Variants in LDLRAD3 observed in about 807,000 individuals in gnomAD.
LDLRAD3 encodes low-density lipoprotein receptor class A domain-containing protein 3.
In LDLRAD3, 20 loss-of-function variants were observed where a neutral mutation model predicts 29.4. The observed-to-expected ratio is 0.68, with a 90% confidence interval of 0.48 to 0.99. The LOEUF (loss-of-function observed/expected upper bound fraction) is 0.99, where lower values mean the gene tolerates loss of function less well. Ranked by LOEUF, LDLRAD3 falls within the 50% of genes least tolerant of loss-of-function variation. The pLI, the probability that LDLRAD3 is intolerant of heterozygous loss-of-function variation, is 0.00. For missense variants in LDLRAD3, 420 were observed against 454.3 expected (o/e 0.92, Z 0.69); for synonymous variants, 157 against 192.7 (o/e 0.81, Z 1.53).
chr11:36,187,862 G>T (rs993534581), intron 4 of LDLRAD3, among the ~76,000 whole-genome samples: 1 of 152,112 alleles, frequency 6.6e-6, no homozygotes, highest in Non-Finnish European at 1.5e-5. Flanking sequence ...CCAAGATAAC[G>T]TTAGATTGAA....
At chr11:36,189,510 C>T (rs967182663) in intron 4 of LDLRAD3, among the ~76,000 whole-genome samples, 3 of 151,744 alleles carry the variant, frequency 2.0e-5, no homozygotes, top group African/African-American at 7.3e-5. Flanking sequence ...AAAAAAAACC[C>T]TTGTCCTTTA....
At chr11:36,195,186 A>G (rs1855014143) in intron 4 of LDLRAD3, among the ~76,000 whole-genome samples, 2 of 152,222 alleles carry the variant, frequency 1.3e-5, no homozygotes, top group Non-Finnish European at 2.9e-5. Flanking sequence ...CATCATCTTC[A>G]TCATCATCAT....
At position 36,222,499 on chromosome 11, in the gene LDLRAD3, G is replaced by A. The variant is rs146220274; in HGVS notation, c.455-4586G>A. Reference sequence around the variant, plus strand: ...CCATGCCTGCATATATACCAGGCACGAATATACCTGTTTGCCTGAGACCTG... The same window carrying A: ...CCATGCCTGCATATATACCAGGCACAAATATACCTGTTTGCCTGAGACCTG... On this transcript the variant is annotated intron_variant, in intron 4 of 5. Transcript: ENST00000315571. Among the ~76,000 whole-genome samples, 1,045 of 152,246 alleles carry A rather than the reference G, an allele frequency of 6.9e-3. 9 individuals are homozygous for A. The highest frequency in any genetic ancestry group is 0.012 in the Non-Finnish European group (830 of 68,018).
chr11:36,200,478 G>A (rs528453656), intron 4 of LDLRAD3, among the ~76,000 whole-genome samples: 1 of 152,148 alleles, frequency 6.6e-6, no homozygotes, highest in East Asian at 1.9e-4. Flanking sequence ...TGAATTGAGG[G>A]GGATACATAC....
At chr11:36,118,602 T>G (rs114830609) in intron 4 of LDLRAD3, among the ~76,000 whole-genome samples, 199 of 152,078 alleles carry the variant, frequency 1.3e-3, no homozygotes, top group African/African-American at 4.3e-3. Flanking sequence ...TGGATTCAAT[T>G]TGGGGGTCCT....
intron 2 of LDLRAD3, among the ~76,000 whole-genome samples, chr11:36,075,451 G>C (rs1243403857): frequency 6.6e-6 from 1 of 152,152 alleles, no homozygotes; most frequent in Non-Finnish European, 1.5e-5. Context: ...CATTACTGAT[G>C]ATGTTGACCA....
intron 1 of LDLRAD3, among the ~76,000 whole-genome samples, chr11:36,030,830 CAGT>C (rs768866786): frequency 6.6e-6 from 1 of 152,152 alleles, no homozygotes; most frequent in Non-Finnish European, 1.5e-5. Flanking sequence ...GGAAGAACAG[CAGT>C]AGGAGAGGAG....
rs183328438 is a variant in LDLRAD3, at chr11:36,049,892, A to G, written c.193+13643A>G. On this transcript the variant is annotated intron_variant, in intron 2 of 5. Transcript: ENST00000315571. ...AAAAAATCAGTGTCTCAGATTCTCT[A>G]TGAGATTTAAATATGCAGGATCTGA... is the stretch of plus-strand genomic sequence containing the variant. Among the ~76,000 whole-genome samples, 9 of 152,298 alleles carry G rather than the reference A, an allele frequency of 5.9e-5. No homozygotes were observed. In the East Asian group the frequency reaches 1.7e-3, roughly 29 times the overall value.
At chr11:35,982,517 G>A (rs990972706) in intron 1 of LDLRAD3, among the ~76,000 whole-genome samples, 2 of 152,142 alleles carry the variant, frequency 1.3e-5, no homozygotes, top group African/African-American at 4.8e-5. Flanking sequence ...CCGGCATACT[G>A]TTTTTGGGGG....
chr11:36,116,714 G>A (rs1853680119), intron 4 of LDLRAD3, among the ~76,000 whole-genome samples: 1 of 151,828 alleles, frequency 6.6e-6, no homozygotes, highest in Admixed American at 6.6e-5. Flanking sequence ...ACTGGCACTA[G>A]TTTAAAAGCC....
intron 3 of LDLRAD3, among the ~76,000 whole-genome samples, chr11:36,096,048 G>A (rs79032335): frequency 0.021 from 3,139 of 152,270 alleles, 93 homozygotes; most frequent in African/African-American, 0.072. Flanking sequence ...CTGGCCCACA[G>A]CGATGTCAAT....
intron 1 of LDLRAD3, among the ~76,000 whole-genome samples, chr11:35,991,309 C>A (rs1414425327): frequency 6.6e-6 from 1 of 152,142 alleles, no homozygotes; most frequent in East Asian, 1.9e-4. Context: ...CAAATGGTTA[C>A]CCAAAATGAG....
intron 4 of LDLRAD3, among the ~76,000 whole-genome samples, chr11:36,168,498 C>CTTTTTTTTTTTTTTTTTTTTTT (rs5791083): frequency 8.6e-6 from 1 of 115,830 alleles, no homozygotes; most frequent in African/African-American, 3.2e-5. Context: ...TTTCTTTCTT[C>CTTTTTTTTTTTTTTTTTTTTTT]TTTTTTTTTT....
chr11:36,114,794 A>T lies in LDLRAD3; in HGVS notation c.454+16333A>T, dbSNP rs181265222. Among the ~76,000 whole-genome samples the T allele has an allele frequency of 3.3e-5, 5 of 152,258 alleles. No homozygotes were observed. The East Asian group carries it at 9.7e-4, about 29-fold the overall frequency. ...CATGGTGCGTCTCTCTTCCCAATACATTCCCTTTCCCCTATCCACAGCCCT... is the reference window on the plus strand; with the variant it reads ...CATGGTGCGTCTCTCTTCCCAATACTTTCCCTTTCCCCTATCCACAGCCCT... On this transcript the variant is annotated intron_variant, in intron 4 of 5. Transcript: ENST00000315571.
At position 36,191,618 on chromosome 11, in the gene LDLRAD3, ACACACGCACG is replaced by A. The variant is rs750645429; in HGVS notation, c.455-35463_455-35454del. 1.3e-3 allele frequency among the ~76,000 whole-genome samples: 106 copies of A among 84,778 alleles called. 4 individuals carry two copies. Among genetic ancestry groups the A allele is most frequent in the Middle Eastern group, 6.9e-3 (1 of 144 alleles). The allele number at this position is 84,778 out of a possible 152,430, so 55.6% of individuals were successfully genotyped here. ...TATATATACACACACACACACACAC[ACACACGCACG>A]CACGCACGCACAAAGAAGAAATTGA... On this transcript the variant is annotated intron_variant, in intron 4 of 5. Transcript: ENST00000315571.
In LDLRAD3 at chr11:36,230,481, C is replaced by G. The variant is rs1855560633; in HGVS notation, c.*1084C>G. On this transcript the variant is annotated 3_prime_UTR_variant, in exon 6 of 6. Coordinates refer to ENST00000315571, the MANE Select transcript of LDLRAD3 (RefSeq NM_174902.4). ...ATACCTCCAGCAAGCTCTCCTGGCT[C>G]CCTGCACTGTGCACGCTCCTCTTCC... The G allele has an allele frequency of 6.5e-6, 1 of 152,862 alleles. No homozygotes were observed. Among genetic ancestry groups the G allele is most frequent in the Non-Finnish European group, 1.5e-5 (1 of 68,234 alleles). 9.5% of individuals were successfully genotyped at this position (152,862 alleles called of 1,614,324 possible). A position where few individuals can be genotyped will look rare whatever the true frequency, so the allele number is the denominator to read the frequency against.
At chr11:36,007,717 G>A (rs774751652) in intron 1 of LDLRAD3, among the ~76,000 whole-genome samples, 11 of 152,178 alleles carry the variant, frequency 7.2e-5, no homozygotes, top group Non-Finnish European at 1.0e-4. Context: ...GGGGAGACTC[G>A]TGTTAGTTTT....
At chr11:36,022,273 G>A (rs1032515132) in intron 1 of LDLRAD3, among the ~76,000 whole-genome samples, 10 of 152,090 alleles carry the variant, frequency 6.6e-5, no homozygotes, top group African/African-American at 2.4e-4. Flanking sequence ...GACGTGTTAT[G>A]TACCTACATT....
At chr11:35,948,915 A>G (rs1340463863) in intron 1 of LDLRAD3, among the ~76,000 whole-genome samples, 7 of 152,158 alleles carry the variant, frequency 4.6e-5, no homozygotes, top group Non-Finnish European at 1.5e-5. Flanking sequence ...TGACAGCCAC[A>G]AATGCCTCCC....
Sources: allele counts gnomAD v4.1 joint callset (sites outside exome capture counted in the v4.1 genomes callset), GRCh38; gene constraint gnomAD v4.1.1; transcripts MANE v1.5; gene names NCBI Gene and HGNC (gene_info 2026-07-23, HGNC 2026-07-21).